Variants in GRID2 observed in about 807,000 individuals in gnomAD.
GRID2 encodes the protein glutamate receptor ionotropic, delta-2.
A neutral mutation model predicts 114.8 loss-of-function variants in GRID2; 33 were observed. That is an observed-to-expected ratio of 0.29 (90% CI 0.22 to 0.38). GRID2 has a LOEUF of 0.38. GRID2 is among the 10% of genes least tolerant of loss of function. GRID2 has a pLI of 1.00. For missense variants in GRID2, 1,184 were observed against 1,257.7 expected (o/e 0.94, Z 0.89); for synonymous variants, 505 against 449.9 (o/e 1.12, Z -1.55).
rs77043592 is a variant in GRID2 at position 92,953,229 on chromosome 4, A to G, written c.245-131766A>G. 1.5e-3 allele frequency among the ~76,000 whole-genome samples: 232 copies of G among 152,298 alleles called. 7 individuals are homozygous for G. In the East Asian group the frequency reaches 0.042, roughly 28 times the overall value. On this transcript the variant is annotated intron_variant, in intron 2 of 15. Transcript: ENST00000282020. ...ATATATTTTGAGTTTGGGGAAGCCAATTCAACCTATAACATTGAGTAATAG... is the reference window on the plus strand; with the variant it reads ...ATATATTTTGAGTTTGGGGAAGCCAGTTCAACCTATAACATTGAGTAATAG...
At chr4:92,628,181 C>T (rs1397535946) in intron 2 of GRID2, among the ~76,000 whole-genome samples, 2 of 152,238 alleles carry the variant, frequency 1.3e-5, no homozygotes, top group Admixed American at 1.3e-4. Context: ...CAACAATCAG[C>T]TCTCATTAGC....
chr4:92,701,568 T>C (rs936700072), intron 2 of GRID2, among the ~76,000 whole-genome samples: 2 of 152,154 alleles, frequency 1.3e-5, no homozygotes, highest in African/African-American at 2.4e-5. Flanking sequence ...GGAAGAACTT[T>C]TATTTGTTTT....
At chr4:92,795,136 G>A (rs1739799514) in intron 2 of GRID2, among the ~76,000 whole-genome samples, 1 of 151,526 alleles carries the variant, frequency 6.6e-6, no homozygotes, top group Non-Finnish European at 1.5e-5. Context: ...AGCAGAACAG[G>A]TGGAGGAGGT....
At chr4:92,813,456 G>T (rs908332873) in intron 2 of GRID2, among the ~76,000 whole-genome samples, 4 of 152,050 alleles carry the variant, frequency 2.6e-5, no homozygotes, top group African/African-American at 4.8e-5. Flanking sequence ...GTGGGGATTT[G>T]ATTTCACATA....
At chr4:92,740,539 C>T (rs1336183115) in intron 2 of GRID2, among the ~76,000 whole-genome samples, 1 of 152,128 alleles carries the variant, frequency 6.6e-6, no homozygotes, top group Non-Finnish European at 1.5e-5. Context: ...CCTTATCCCT[C>T]CAATCACTGT....
intron 1 of GRID2, among the ~76,000 whole-genome samples, chr4:92,449,711 AAC>A: frequency 7.7e-6 from 1 of 130,140 alleles, no homozygotes; most frequent in Non-Finnish European, 1.6e-5. Flanking sequence ...ATATATATAT[AAC>A]ACTTAAGCCA....
At chr4:93,582,259 C>T (rs1004338425) in intron 13 of GRID2, among the ~76,000 whole-genome samples, 3 of 152,148 alleles carry the variant, frequency 2.0e-5, no homozygotes, top group African/African-American at 7.2e-5. Context: ...CCAACAGCAT[C>T]GTATCATCCA....
intron 2 of GRID2, among the ~76,000 whole-genome samples, chr4:92,951,742 C>CT (rs1752057437): frequency 6.6e-6 from 1 of 152,186 alleles, no homozygotes; most frequent in South Asian, 2.1e-4. Flanking sequence ...CCCAATTCCT[C>CT]TTCCAAAATT....
At chr4:93,055,859 C>T (rs1464408856) in intron 2 of GRID2, among the ~76,000 whole-genome samples, 2 of 151,948 alleles carry the variant, frequency 1.3e-5, no homozygotes, top group Non-Finnish European at 2.9e-5. Context: ...TATTTAGCTA[C>T]AGTCTGTCCT....
At chr4:92,383,728 T>C (rs1385897022) in intron 1 of GRID2, among the ~76,000 whole-genome samples, 1 of 152,018 alleles carries the variant, frequency 6.6e-6, no homozygotes, top group African/African-American at 2.4e-5. Flanking sequence ...ATGCTGGATT[T>C]ACTACCTGAA....
intron 1 of GRID2, among the ~76,000 whole-genome samples, chr4:92,547,823 T>C (rs1579560859): frequency 6.6e-6 from 1 of 152,270 alleles, no homozygotes; most frequent in East Asian, 1.9e-4. Flanking sequence ...TGGAAGCAAC[T>C]GCATGTTGAA....
At chr4:93,766,258 A>G (rs984296556) in intron 14 of GRID2, among the ~76,000 whole-genome samples, 6 of 152,202 alleles carry the variant, frequency 3.9e-5, no homozygotes, top group African/African-American at 1.4e-4. Context: ...TTTATAAAGA[A>G]AGAAGTTTAA....
chr4:93,727,584 T>C (rs180793214), intron 14 of GRID2, among the ~76,000 whole-genome samples: 209 of 152,348 alleles, frequency 1.4e-3, no homozygotes, highest in African/African-American at 4.8e-3. Flanking sequence ...CTTGTACTTC[T>C]GGTAGAATTC....
intron 3 of GRID2, among the ~76,000 whole-genome samples, chr4:93,107,510 G>A (rs539386914): frequency 6.6e-6 from 1 of 151,858 alleles, no homozygotes; most frequent in Admixed American, 6.6e-5. Flanking sequence ...TCAAATTAAG[G>A]ATAATTAATT....
At chr4:92,628,742 C>T (rs1730648944) in intron 2 of GRID2, among the ~76,000 whole-genome samples, 1 of 152,128 alleles carries the variant, frequency 6.6e-6, no homozygotes, top group Non-Finnish European at 1.5e-5. Flanking sequence ...ACTCATGCCT[C>T]CAATCTGGGC....
At chr4:92,439,141 G>T (rs550831918) in intron 1 of GRID2, among the ~76,000 whole-genome samples, 23 of 152,016 alleles carry the variant, frequency 1.5e-4, no homozygotes, top group Non-Finnish European at 3.2e-4. Context: ...GTTCTCTGGC[G>T]GGCAGGAGTG....
At chr4:92,350,853 G>A (rs932336440) in intron 1 of GRID2, among the ~76,000 whole-genome samples, 1 of 151,846 alleles carries the variant, frequency 6.6e-6, no homozygotes, top group Non-Finnish European at 1.5e-5. Context: ...CCAAGCCCTA[G>A]GAAACCACTA....
intron 2 of GRID2, among the ~76,000 whole-genome samples, chr4:93,036,453 A>G (rs1455563784): frequency 6.6e-6 from 1 of 152,216 alleles, no homozygotes; most frequent in Non-Finnish European, 1.5e-5. Flanking sequence ...TCAGTTTAAT[A>G]TAGAAACAAA....
At chr4:92,950,689 G>A (rs1751965907) in intron 2 of GRID2, among the ~76,000 whole-genome samples, 2 of 152,154 alleles carry the variant, frequency 1.3e-5, no homozygotes, top group Non-Finnish European at 2.9e-5. Context: ...CATCAGCCAT[G>A]AAAATTGGTC....
Sources: gnomAD v4.1 joint callset for allele counts (sites outside exome capture counted in the v4.1 genomes callset) on GRCh38, gnomAD v4.1.1 for gene constraint, MANE v1.5 for transcripts, NCBI Gene and HGNC (gene_info 2026-07-23, HGNC 2026-07-21) for gene names.